Variants in IRAK4 observed in about 807,000 individuals in gnomAD.
IRAK4 encodes interleukin-1 receptor-associated kinase 4.
IRAK4 carries 44 observed loss-of-function variants against 51.8 expected under a neutral mutation model. That is an observed-to-expected ratio of 0.85 (90% CI 0.67 to 1.09). The LOEUF (loss-of-function observed/expected upper bound fraction) is 1.09. Among genes scored for constraint, IRAK4 ranks in the 50% least tolerant of loss-of-function variants. The probability of loss-of-function intolerance (pLI) is 0.00; values close to 1 mark genes in which losing one functional copy is unlikely to be tolerated. For missense variants in IRAK4, 487 were observed against 538.0 expected (o/e 0.91, Z 0.94); for synonymous variants, 149 against 174.1 (o/e 0.86, Z 1.13).
chr12:43,777,830 C>T, intron 7 of IRAK4, 86 bp downstream of exon 7: 1 of 1,115,204 alleles, frequency 9.0e-7, no homozygotes, highest in South Asian at 1.3e-5. Context: ...TTATTTAAAC[C>T]AAATTCACTT....
chr12:43,767,686 A>ATT (rs1277490996), intron 1 of IRAK4, among the ~76,000 whole-genome samples: 12 of 149,582 alleles, frequency 8.0e-5, no homozygotes, highest in African/African-American at 1.0e-4. Flanking sequence ...TTAATTGTAA[A>ATT]TAAGTACTAA....
At chr12:43,771,065 A>T in intron 2 of IRAK4, 155 bp from the exon 3 acceptor site, 1 of 731,096 alleles carries the variant, frequency 1.4e-6, no homozygotes. Flanking sequence ...CCCTAACCAG[A>T]TGCAGCCTCT....
At chr12:43,763,937 C>T (rs1939845642) in intron 1 of IRAK4, among the ~76,000 whole-genome samples, 1 of 152,112 alleles carries the variant, frequency 6.6e-6, no homozygotes, top group Non-Finnish European at 1.5e-5. Flanking sequence ...TGCTACCATC[C>T]TGGTTTTTTT....
At chr12:43,785,624 G>GTATATA in intron 10 of IRAK4, among the ~76,000 whole-genome samples, 1 of 146,766 alleles carries the variant, frequency 6.8e-6, no homozygotes, top group Non-Finnish European at 1.5e-5. Flanking sequence ...ATATATGTGT[G>GTATATA]TATATATATA....
At chr12:43,765,072 G>A (rs4251446) in intron 1 of IRAK4, among the ~76,000 whole-genome samples, 10,901 of 152,220 alleles carry the variant, frequency 0.072, 423 homozygotes, top group Middle Eastern at 0.14. Flanking sequence ...ACAATTTTTT[G>A]AGGAAATGGT....
At chr12:43,765,840 CAA>C (rs35140478) in intron 1 of IRAK4, among the ~76,000 whole-genome samples, 103 of 115,996 alleles carry the variant, frequency 8.9e-4, no homozygotes, top group African/African-American at 2.1e-3. Flanking sequence ...TAACATGAGC[CAA>C]AAAAAAAAAA....
At chr12:43,763,485 A>G (rs1052104026) in intron 1 of IRAK4, 8 of 152,190 alleles carry the variant, frequency 5.3e-5, no homozygotes, top group Non-Finnish European at 7.3e-5. Flanking sequence ...TATATATGCT[A>G]ACATCTATAT....
At chr12:43,773,813 G>C in intron 5 of IRAK4, 152 bp from the exon 6 acceptor site, 1 of 619,412 alleles carries the variant, frequency 1.6e-6, no homozygotes, top group Non-Finnish European at 2.9e-6. Flanking sequence ...CAAATCACTA[G>C]TATTTCTAGA....
At chr12:43,777,491 CATAAA>C in intron 6 of IRAK4, 134 bp from the exon 7 acceptor site, 1 of 681,714 alleles carries the variant, frequency 1.5e-6, no homozygotes, top group Non-Finnish European at 2.2e-6. Flanking sequence ...CATATATAAA[CATAAA>C]CATCAAGTTA....
At chr12:43,759,861 C>A (rs1041778081) in intron 1 of IRAK4, among the ~76,000 whole-genome samples, 2 of 145,466 alleles carry the variant, frequency 1.4e-5, no homozygotes, top group African/African-American at 5.4e-5. Flanking sequence ...GAGGGAGACT[C>A]CGTCTCAAAA....
chr12:43,779,967 A>T (rs1382085283), intron 8 of IRAK4, among the ~76,000 whole-genome samples: 1 of 152,182 alleles, frequency 6.6e-6, no homozygotes, highest in African/African-American at 2.4e-5. Flanking sequence ...AGTCTTGGGG[A>T]ACCCTAAGAC....
intron 1 of IRAK4, among the ~76,000 whole-genome samples, chr12:43,766,363 C>T (rs1940149128): frequency 6.6e-6 from 1 of 152,112 alleles, no homozygotes; most frequent in African/African-American, 2.4e-5. Flanking sequence ...CTTCCAACCT[C>T]CTACTCCAAC....
chr12:43,780,850 C>T (rs1022065528), intron 8 of IRAK4, among the ~76,000 whole-genome samples: 4 of 152,162 alleles, frequency 2.6e-5, no homozygotes, highest in African/African-American at 9.6e-5. Flanking sequence ...GGATTACAGG[C>T]ATTAGCCACC....
Position 43,773,012 on chromosome 12 carries a change from TG to T in IRAK4, c.593del (p.Gly198GlufsTer8), listed in dbSNP as rs756802570. ...GGNKMGEGGF[G>X]VVYKGYVNNT... ...GTAATAAAATGGGAGAGGGAGGATT[TG>T]GAGTTGTATATAAAGGCTACGTAAA... On this transcript the variant is annotated frameshift_variant, in exon 5 of 12. Coordinates refer to ENST00000613694, the MANE Select transcript of IRAK4 (RefSeq NM_016123.4). LOFTEE classifies it high-confidence loss of function. 5.0e-6 allele frequency: 8 copies of T among 1,612,962 alleles called. No individual in the cohort carries two copies. Among genetic ancestry groups the T allele is most frequent in the Non-Finnish European group, 6.8e-6 (8 of 1,179,260 alleles).
chr12:43,786,035 T>C (rs1346014570), intron 10 of IRAK4, among the ~76,000 whole-genome samples: 5 of 151,224 alleles, frequency 3.3e-5, no homozygotes, highest in Admixed American at 3.3e-4. Context: ...CCTGTATGTC[T>C]TCAATTTTTT....
intron 8 of IRAK4, among the ~76,000 whole-genome samples, chr12:43,781,535 T>C (rs4251520): frequency 0.13 from 19,651 of 152,248 alleles, 1,424 homozygotes; most frequent in African/African-American, 0.19. Context: ...CTCATATAAC[T>C]ATTAACTTCT....
intron 1 of IRAK4, 90 bp from the exon 2 acceptor site, chr12:43,768,013 C>G (rs1166090229): frequency 2.2e-6 from 2 of 900,594 alleles, no homozygotes; most frequent in African/African-American, 3.3e-5. Flanking sequence ...GCTGACATTT[C>G]ATATGATATA....
intron 9 of IRAK4, 125 bp downstream of exon 9, chr12:43,782,615 T>C (rs1013117749): frequency 2.5e-6 from 2 of 785,684 alleles, no homozygotes; most frequent in Non-Finnish European, 4.1e-6. Context: ...TTTTTCACAT[T>C]AACCTCTACT....
Position 43,787,385 on chromosome 12 carries a change from T to G in IRAK4, c.*670T>G, listed in dbSNP as rs759513055. On this transcript the variant is annotated 3_prime_UTR_variant, in exon 12 of 12. Transcript: ENST00000613694. ...AGTTGAAGGAATTTGGCAGATGCAG[T>G]TAAGGTTCCTAAACAACTCACTTTG... 3.3e-5 allele frequency: 5 copies of G among 152,330 alleles called. No homozygotes were observed. The highest frequency in any genetic ancestry group is 5.9e-5 in the Non-Finnish European group (4 of 68,162). The allele number at this position is 152,330 out of a possible 1,614,324, so 9.4% of individuals were successfully genotyped here.
Sources: allele counts gnomAD v4.1 joint callset (sites outside exome capture counted in the v4.1 genomes callset), GRCh38; gene constraint gnomAD v4.1.1; transcripts MANE v1.5; gene names NCBI Gene and HGNC (gene_info 2026-07-23, HGNC 2026-07-21).